OGDHL: variants seen among roughly 807,000 people sequenced by gnomAD.
The protein encoded by OGDHL is oxoglutarate dehydrogenase L.
In OGDHL, 79 loss-of-function variants were observed where a neutral mutation model predicts 109.6. The observed-to-expected ratio is 0.72, with a 90% CI of 0.60 to 0.87. The LOEUF (loss-of-function observed/expected upper bound fraction) is 0.87. Ranked by LOEUF, OGDHL falls within the 40% of genes least tolerant of loss-of-function variation. The probability of loss-of-function intolerance (pLI) is 0.00; values close to 1 mark genes in which losing one functional copy is unlikely to be tolerated. For synonymous variants in OGDHL, 528 were observed against 537.2 expected (o/e 0.98, Z 0.24); for missense variants, 1,275 against 1,362.2 (o/e 0.94, Z 1.01).
In OGDHL at chr10:49,746,809, G is replaced by A. The variant is rs759038254; in HGVS notation, c.1237C>T (p.Leu413=). Residue 413 remains leucine (L), a synonymous_variant, in exon 10 of 23, where the codon CTG becomes TTG. Coordinates refer to ENST00000374103, the MANE Select transcript of OGDHL (RefSeq NM_018245.3). ...GTCGTGTAGGAGGGCAGGTCGCTCA[G>A]GTGGAAGGTCTCATATACCACGCCC... ...GQGVVYETFH[L]SDLPSYTTNG... is the part of the protein sequence containing the mutation. 3 of 1,614,112 alleles carry A rather than the reference G, an allele frequency of 1.9e-6. No homozygotes were observed. The highest frequency in any genetic ancestry group is 1.1e-5 in the South Asian group (1 of 91,076).
chr10:49,739,484 T>A (rs907222955), intron 17 of OGDHL, 177 bp downstream of exon 17: 2 of 668,294 alleles, frequency 3.0e-6, no homozygotes, highest in Non-Finnish European at 4.7e-6. Flanking sequence ...AGGGGTAGCA[T>A]CATCGTCTCA....
chr10:49,737,683 G>T, intron 20 of OGDHL, 103 bp downstream of exon 20: 1 of 1,286,446 alleles, frequency 7.8e-7, no homozygotes, highest in Non-Finnish European at 1.1e-6. Context: ...GGTCAGCAGA[G>T]CCACAGGCAG....
rs1219064828 is a variant in OGDHL at position 49,736,363 on chromosome 10, C to G, written c.2748G>C (p.Leu916=). Residue 916 remains leucine (L), a synonymous_variant, in exon 21 of 23, where the codon CTG becomes CTC. Transcript: ENST00000374103. ...DLEEKVAITR[L]EQISPFPFDL... ...ACAAGGGGTTCAGGCACACCTGCTC[C>G]AGGCGCGTGATGGCCACTTTCTCCT... 4.3e-6 allele frequency: 7 copies of G among 1,614,126 alleles called. No homozygotes were observed. The highest frequency in any genetic ancestry group is 2.2e-5 in the East Asian group (1 of 44,880).
rs752143005 is a variant in OGDHL, at chr10:49,744,052, G to A, written c.1803C>T (p.Leu601=). The A allele has an allele frequency of 2.5e-6, 4 of 1,614,168 alleles. No homozygotes were observed. Among genetic ancestry groups the A allele is most frequent in the Non-Finnish European group, 3.4e-6 (4 of 1,180,002 alleles). Residue 601 remains leucine, a synonymous_variant, in exon 14 of 23, where the codon CTC becomes CTT. Transcript: ENST00000374103. ...AGCTGGCCACACTGCCGATGTGGGTGAGCATGTCCTCAGGGATCCCCGTGG... is the reference window on the plus strand; with the variant it reads ...AGCTGGCCACACTGCCGATGTGGGTAAGCATGTCCTCAGGGATCCCCGTGG... The part of the protein sequence containing the change: ...CPATGIPEDM[L]THIGSVASSV...
intron 17 of OGDHL, 177 bp downstream of exon 17, chr10:49,739,484 T>C (rs907222955): frequency 1.5e-6 from 1 of 668,412 alleles, no homozygotes; most frequent in Non-Finnish European, 2.4e-6. Flanking sequence ...AGGGGTAGCA[T>C]CATCGTCTCA....
At chr10:49,748,930 G>A (rs568293930) in intron 8 of OGDHL, among the ~76,000 whole-genome samples, 105 of 152,298 alleles carry the variant, frequency 6.9e-4, no homozygotes, top group Admixed American at 2.2e-3. Context: ...GGCAGTGGCC[G>A]GAAGCGGTGG....
At chr10:49,738,589 A>T (rs974738610) in intron 17 of OGDHL, 17 of 394,328 alleles carry the variant, frequency 4.3e-5, no homozygotes, top group Non-Finnish European at 8.1e-5. Context: ...CAGGAGGCAG[A>T]GTTCTAGGAA....
Position 49,737,992 on chromosome 10 carries a change from G to A in OGDHL, c.2472C>T (p.Tyr824=), listed in dbSNP as rs1841335509. ...IVVNCSTPAN[Y]FHVLRRQILL... ...GGATCTGCCGGCGCAGCACGTGGAA[G>A]TAGTTGGCCGGTGTGGAGCAGTTGA... Residue 824 remains tyrosine, a synonymous_variant, in exon 19 of 23, where the codon TAC becomes TAT. Transcript: ENST00000374103. 1.2e-6 allele frequency: 2 copies of A among 1,614,118 alleles called. No individual in the cohort carries two copies. Among genetic ancestry groups the A allele is most frequent in the African/African-American group, 1.3e-5 (1 of 74,942 alleles).
rs1841049995 is a variant in OGDHL, at chr10:49,735,179, T to A, written c.*49A>T. 6.3e-7 allele frequency: 1 copy of A among 1,580,692 alleles called. No individual in the cohort carries two copies. Among genetic ancestry groups the A allele is most frequent in the Non-Finnish European group, 8.6e-7 (1 of 1,163,926 alleles). ...CGCCCCTCCCCTTTTCATCACCCCC[T>A]TGGTCCCCAGCAAACCCACAGCGAG... is the stretch of plus-strand genomic sequence containing the variant. On this transcript the variant is annotated 3_prime_UTR_variant, in exon 23 of 23. Transcript: ENST00000374103.
intron 8 of OGDHL, among the ~76,000 whole-genome samples, chr10:49,748,271 G>T (rs187843451): frequency 8.5e-5 from 13 of 152,352 alleles, no homozygotes; most frequent in Non-Finnish European, 1.5e-4. Flanking sequence ...AGGAAACAAT[G>T]ACAACTTGTT....
intron 20 of OGDHL, among the ~76,000 whole-genome samples, 170 bp downstream of exon 20, chr10:49,737,616 C>G (rs1841296036): frequency 6.6e-6 from 1 of 152,170 alleles, no homozygotes; most frequent in Admixed American, 6.5e-5. Flanking sequence ...CCCAGGTCAG[C>G]CATTGTGCCA....
Position 49,736,461 on chromosome 10 carries a change from C to T in OGDHL, c.2650G>A (p.Val884Met). ...DGAAARAPEQ[V>M]QRLIFCTGKV... Reference sequence around the variant, plus strand: ...CCCGTGCAGAAGATGAGCCGCTGCACCTGCTCAGGGGCCCGTGCTGCGGCC... The same window carrying T: ...CCCGTGCAGAAGATGAGCCGCTGCATCTGCTCAGGGGCCCGTGCTGCGGCC... The change falls in exon 21 of 23, where the codon GTG becomes ATG. Residue 884 changes from valine (V) to methionine (M), a missense_variant. Val to Met is a conservative substitution (Grantham distance 21, BLOSUM62 1). Coordinates refer to ENST00000374103, the MANE Select transcript of OGDHL (RefSeq NM_018245.3). 4 of 1,613,990 alleles carry T rather than the reference C, an allele frequency of 2.5e-6. No individual in the cohort carries two copies. The highest frequency in any genetic ancestry group is 3.4e-6 in the Non-Finnish European group (4 of 1,180,028).
At chr10:49,742,441 A>ACACACCACACATAT (rs1841827781) in intron 15 of OGDHL, among the ~76,000 whole-genome samples, 1 of 11,084 alleles carries the variant, frequency 9.0e-5, no homozygotes, top group Non-Finnish European at 1.8e-4. Flanking sequence ...ACATACAACA[A>ACACACCACACATAT]ACACACCACA....
At chr10:49,737,689 G>A (rs562703487) in intron 20 of OGDHL, 97 bp downstream of exon 20, 1 of 1,342,500 alleles carries the variant, frequency 7.4e-7, no homozygotes, top group Non-Finnish European at 1.1e-6. Flanking sequence ...CAGAGCCACA[G>A]GCAGAGGGGA....
intron 2 of OGDHL, among the ~76,000 whole-genome samples, chr10:49,757,670 G>A (rs997668731): frequency 3.3e-5 from 5 of 152,208 alleles, no homozygotes; most frequent in African/African-American, 1.2e-4. Flanking sequence ...TACACAGCTG[G>A]ACAGAGTGAA....
chr10:49,755,598 A>G (rs956987362), intron 3 of OGDHL, among the ~76,000 whole-genome samples: 1 of 152,122 alleles, frequency 6.6e-6, no homozygotes, highest in Non-Finnish European at 1.5e-5. Context: ...TTCTAACCAC[A>G]GCTGTGCCTG....
chr10:49,739,586 G>C, intron 17 of OGDHL, 75 bp downstream of exon 17: 1 of 1,536,258 alleles, frequency 6.5e-7, no homozygotes, highest in Non-Finnish European at 8.8e-7. Flanking sequence ...ACCCGACAAG[G>C]GGCCCAGGGT....
chr10:49,738,164 T>A (rs375731064), intron 18 of OGDHL, 27 bp downstream of exon 18: 3 of 1,614,130 alleles, frequency 1.9e-6, no homozygotes, highest in Non-Finnish European at 2.5e-6. Context: ...GGCGCGTCCC[T>A]GTCCTGGGGA....
At position 49,749,611 on chromosome 10, in the gene OGDHL, A is replaced by T. The variant is rs147645069; in HGVS notation, c.987+115T>A. ...AGCCTCTCTCCTGCAGGCTTCTCCA[A>T]TGCATCCATCTTAAGGTTTATCTCA... On this transcript the variant is annotated intron_variant, in intron 8 of 22. Coordinates refer to ENST00000374103, the MANE Select transcript of OGDHL (RefSeq NM_018245.3). The T allele has an allele frequency of 6.9e-6, 6 of 872,328 alleles. No homozygotes were observed. In the African/African-American group the frequency reaches 8.5e-5, roughly 12 times the overall value. The allele number at this position is 872,328 out of a possible 1,614,324, so 54.0% of individuals were successfully genotyped here. A position where few individuals can be genotyped will look rare whatever the true frequency, so the allele number is the denominator to read the frequency against.
Sources: gnomAD v4.1 joint callset for allele counts (sites outside exome capture counted in the v4.1 genomes callset) on GRCh38, gnomAD v4.1.1 for gene constraint, MANE v1.5 for transcripts, NCBI Gene and HGNC (gene_info 2026-07-23, HGNC 2026-07-21) for gene names.